NEDD4: variants seen among roughly 807,000 people sequenced by gnomAD.
NEDD4 encodes NEDD4 E3 ubiquitin protein ligase.
A neutral mutation model predicts 144.9 loss-of-function variants in NEDD4; 99 were observed. That is an observed-to-expected ratio of 0.68 (90% confidence interval 0.58 to 0.81). The LOEUF (loss-of-function observed/expected upper bound fraction) is 0.81. Among genes scored for constraint, NEDD4 ranks in the 30% least tolerant of loss-of-function variants. The pLI, the probability that NEDD4 is intolerant of heterozygous loss-of-function variation, is 0.00. For missense variants in NEDD4, 985 were observed against 1,065.9 expected (o/e 0.92, Z 1.06); for synonymous variants, 318 against 350.6 (o/e 0.91, Z 1.04).
intron 5 of NEDD4, among the ~76,000 whole-genome samples, chr15:55,911,289 C>T (rs943809493): frequency 2.0e-5 from 3 of 152,026 alleles, no homozygotes; most frequent in Admixed American, 6.5e-5. Context: ...CACAGGATAG[C>T]CCCCACTACA....
chr15:55,860,594 C>A lies in NEDD4; in HGVS notation c.793-20G>T. ...CCAGTTCTAAAATGAACAGAATAAG[C>A]TTGAGCCACACATACTTTATTGCTA... On this transcript the variant is annotated intron_variant, in intron 10 of 28. Transcript: ENST00000435532. 6.2e-7 allele frequency: 1 copy of A among 1,613,876 alleles called. No homozygotes were observed. The highest frequency in any genetic ancestry group is 2.2e-5 in the East Asian group (1 of 44,882).
chr15:55,865,460 G>A (rs1419514735), intron 8 of NEDD4, among the ~76,000 whole-genome samples: 2 of 151,716 alleles, frequency 1.3e-5, no homozygotes, highest in Non-Finnish European at 2.9e-5. Context: ...TGTTAAGTAT[G>A]ACACCAAACC....
chr15:55,844,908 A>G (rs2033677464), intron 18 of NEDD4, among the ~76,000 whole-genome samples: 1 of 151,920 alleles, frequency 6.6e-6, no homozygotes, highest in Non-Finnish European at 1.5e-5. Context: ...CCTGAGCTCA[A>G]GTAATTCTCC....
intron 5 of NEDD4, among the ~76,000 whole-genome samples, chr15:55,913,124 C>T (rs140505391): frequency 6.6e-6 from 1 of 152,218 alleles, no homozygotes; most frequent in African/African-American, 2.4e-5. Context: ...ACCAGGTTCT[C>T]TGACCAAAGC....
Position 55,922,062 on chromosome 15 carries a change from C to A in NEDD4, c.291+2584G>T, listed in dbSNP as rs572236527. 1.4e-4 allele frequency among the ~76,000 whole-genome samples: 22 copies of A among 152,332 alleles called. 1 individual carries two copies. The highest frequency in any genetic ancestry group is 1.3e-3 in the Admixed American group (20 of 15,302). ...GGAAAAATAACAGTAATACCATGATCTAGCAATTCAACTCTAAAACATATC... is the reference window on the plus strand; with the variant it reads ...GGAAAAATAACAGTAATACCATGATATAGCAATTCAACTCTAAAACATATC... On this transcript the variant is annotated intron_variant, in intron 5 of 28. Transcript: ENST00000435532.
chr15:55,848,724 G>A, intron 15 of NEDD4, 82 bp downstream of exon 15: 1 of 1,334,242 alleles, frequency 7.5e-7, no homozygotes, highest in African/African-American at 1.5e-5. Context: ...ATTAATTATA[G>A]ATGATAAAGA....
chr15:55,961,591 C>A (rs2037427540), intron 2 of NEDD4, among the ~76,000 whole-genome samples: 1 of 152,114 alleles, frequency 6.6e-6, no homozygotes, highest in Non-Finnish European at 1.5e-5. Context: ...CTGCCTCAGC[C>A]TCCCGAGCAG....
At chr15:55,939,142 C>A (rs1219282743) in intron 4 of NEDD4, among the ~76,000 whole-genome samples, 1 of 133,280 alleles carries the variant, frequency 7.5e-6, no homozygotes, top group African/African-American at 2.8e-5. Context: ...AAACCCACCA[C>A]CAACAATAAT....
chr15:55,981,830 C>A (rs1440476036), intron 1 of NEDD4, among the ~76,000 whole-genome samples: 5 of 152,192 alleles, frequency 3.3e-5, no homozygotes, highest in African/African-American at 1.2e-4. Context: ...CTAAAGTTGA[C>A]AACCACAGGT....
intron 12 of NEDD4, among the ~76,000 whole-genome samples, chr15:55,853,904 C>T (rs1364125168): frequency 1.3e-5 from 2 of 152,100 alleles, no homozygotes; most frequent in Non-Finnish European, 2.9e-5. Context: ...GACAGAAGAA[C>T]TGCTTGAACC....
At chr15:55,972,644 TAATAACA>T (rs1244396562) in intron 1 of NEDD4, among the ~76,000 whole-genome samples, 2 of 152,092 alleles carry the variant, frequency 1.3e-5, no homozygotes, top group African/African-American at 4.8e-5. Context: ...TACTTATCAA[TAATAACA>T]ATGAATGTAA....
intron 4 of NEDD4, among the ~76,000 whole-genome samples, chr15:55,947,211 A>G (rs1212711906): frequency 1.3e-5 from 2 of 152,200 alleles, no homozygotes; most frequent in Non-Finnish European, 2.9e-5. Flanking sequence ...AAATCAATGA[A>G]TCCAGGAGGT....
At chr15:55,961,001 C>T (rs2037415505) in intron 2 of NEDD4, among the ~76,000 whole-genome samples, 1 of 152,188 alleles carries the variant, frequency 6.6e-6, no homozygotes, top group African/African-American at 2.4e-5. Flanking sequence ...GAGTTGCCTC[C>T]CGTGTCTCAC....
intron 1 of NEDD4, among the ~76,000 whole-genome samples, chr15:55,980,872 T>TTG (rs2037788573): frequency 6.6e-6 from 1 of 152,086 alleles, no homozygotes; most frequent in African/African-American, 2.4e-5. Flanking sequence ...TGCAATTAAA[T>TTG]TTGTGACAGA....
In NEDD4 at chr15:55,838,562, C is replaced by T. The variant is rs755368523; in HGVS notation, c.2074G>A (p.Asp692Asn). 6.2e-7 allele frequency: 1 copy of T among 1,612,674 alleles called. No homozygotes were observed. The highest frequency in any genetic ancestry group is 1.1e-5 in the South Asian group (1 of 91,010). The change falls in exon 22 of 29, where the codon GAC becomes AAC. Residue 692 changes from aspartate to asparagine, a missense_variant. Physicochemically the swap from Asp to Asn is conservative, Grantham distance 23. Transcript: ENST00000435532. ...AACCTGAGGTCCAATTCTGTTGGGT[C>T]ATTTTCAAGAATCCATCTTAGGGAA... is the stretch of plus-strand genomic sequence containing the variant. ...YNSLRWILENDPTELDLRFII... is the reference protein window; with the variant it reads ...YNSLRWILENNPTELDLRFII...
At chr15:55,941,865 GCCCAGCC>G (rs1566962109) in intron 4 of NEDD4, among the ~76,000 whole-genome samples, 1 of 152,106 alleles carries the variant, frequency 6.6e-6, no homozygotes. Flanking sequence ...GAGCCATTGC[GCCCAGCC>G]AATCCTGTTG....
At chr15:55,936,628 C>T (rs1462274816) in intron 4 of NEDD4, among the ~76,000 whole-genome samples, 3 of 152,016 alleles carry the variant, frequency 2.0e-5, no homozygotes, top group Admixed American at 6.6e-5. Flanking sequence ...TAAAAATATA[C>T]ACAGAGCACC....
chr15:55,838,510 TGTC>T lies in NEDD4; in HGVS notation c.2123_2125del (p.Gly708_Gln709delinsGlu). The stretch of plus-strand genomic sequence containing the variant: ...TTTAACTGATCAAAATTCACAAACC[TGTC>T]CAAAAAGTTCTTCATCTATGATAAA... On this transcript the variant is annotated inframe_deletion and splice_region_variant, in exon 22 of 29. Transcript: ENST00000435532. 6.2e-7 allele frequency: 1 copy of T among 1,608,084 alleles called. No homozygotes were observed. The highest frequency in any genetic ancestry group is 1.7e-4 in the Middle Eastern group (1 of 6,048).
intron 1 of NEDD4, among the ~76,000 whole-genome samples, chr15:55,970,589 C>T (rs550138119): frequency 3.0e-3 from 458 of 152,276 alleles, no homozygotes; most frequent in Non-Finnish European, 5.8e-3. Flanking sequence ...GAGGGAGAGA[C>T]TCCAATTGGT....
Sources: gnomAD v4.1 joint callset for allele counts (sites outside exome capture counted in the v4.1 genomes callset) on GRCh38, gnomAD v4.1.1 for gene constraint, MANE v1.5 for transcripts, NCBI Gene and HGNC (gene_info 2026-07-23, HGNC 2026-07-21) for gene names.